The following MBD5 variants were observed in gnomAD, a reference collection of about 807,000 sequenced individuals.
The protein encoded by MBD5 is methyl-CpG-binding domain protein 5.
Under a neutral mutation model 117.3 loss-of-function variants are expected in MBD5, and 13 were observed. That is an observed-to-expected ratio of 0.11 (90% confidence interval 0.07 to 0.18). MBD5 has a LOEUF of 0.18. MBD5 is among the 10% of genes least tolerant of loss of function. The probability of loss-of-function intolerance (pLI) is 1.00; values close to 1 mark genes in which losing one functional copy is unlikely to be tolerated. For synonymous variants in MBD5, 727 were observed against 766.4 expected, an observed-to-expected ratio of 0.95 and a Z score of 0.85; for missense variants, 1,879 against 2,093.8, an observed-to-expected ratio of 0.90 and a Z score of 2.00.
intron 4 of MBD5, among the ~76,000 whole-genome samples, chr2:148,399,899 C>A (rs917031917): frequency 1.3e-5 from 2 of 152,108 alleles, no homozygotes; most frequent in African/African-American, 4.8e-5. Context: ...TTTTCTGCAT[C>A]TATTGAGATA....
intron 4 of MBD5, among the ~76,000 whole-genome samples, chr2:148,349,219 C>A (rs1201558427): frequency 1.3e-5 from 2 of 151,812 alleles, no homozygotes; most frequent in African/African-American, 4.8e-5. Flanking sequence ...TTTTCTGATC[C>A]TAGATTTACC....
intron 2 of MBD5, among the ~76,000 whole-genome samples, chr2:148,227,390 T>C (rs931942516): frequency 1.3e-5 from 2 of 152,216 alleles, no homozygotes; most frequent in Non-Finnish European, 2.9e-5. Context: ...CCATTGCTTG[T>C]TTTTCTCAGG....
chr2:148,061,334 T>G (rs1695029172), intron 1 of MBD5, among the ~76,000 whole-genome samples: 1 of 152,056 alleles, frequency 6.6e-6, no homozygotes, highest in Non-Finnish European at 1.5e-5. Context: ...TCTTTTTAAG[T>G]CCACTTTATG....
chr2:148,310,611 A>AT (rs941389539), intron 3 of MBD5, among the ~76,000 whole-genome samples: 29 of 151,710 alleles, frequency 1.9e-4, no homozygotes, highest in African/African-American at 5.3e-4. Flanking sequence ...GGATTCATTG[A>AT]TTTTTTTTGA....
At chr2:148,410,382 CT>C (rs1181448893) in intron 4 of MBD5, among the ~76,000 whole-genome samples, 1 of 152,080 alleles carries the variant, frequency 6.6e-6, no homozygotes, top group Non-Finnish European at 1.5e-5. Context: ...CTTTGGGGCT[CT>C]CTATCTTTTT....
intron 1 of MBD5, among the ~76,000 whole-genome samples, chr2:148,051,525 G>A (rs1242113711): frequency 1.3e-5 from 2 of 149,974 alleles, no homozygotes; most frequent in East Asian, 2.0e-4. Context: ...AGCTTTTACT[G>A]TCTTACCATT....
intron 3 of MBD5, chr2:148,260,785 A>G (rs536821279): frequency 6.5e-6 from 1 of 153,804 alleles, no homozygotes; most frequent in South Asian, 2.0e-4. Context: ...AGATGCATCA[A>G]GGAAACACTG....
rs373341381 is a variant in MBD5 at position 148,388,575 on chromosome 2, C to A, written c.-557+46239C>A. Among the ~76,000 whole-genome samples, 33 of 152,268 alleles carry A rather than the reference C, an allele frequency of 2.2e-4. No homozygotes were observed. In the East Asian group the frequency reaches 2.5e-3, roughly 12 times the overall value. Reference sequence around the variant, plus strand: ...TCTAGGGCTGCCTAAGAAAATACCACAGACTGTGTTGCTTAAACAACAAAT... The same window carrying A: ...TCTAGGGCTGCCTAAGAAAATACCAAAGACTGTGTTGCTTAAACAACAAAT... On this transcript the variant is annotated intron_variant, in intron 4 of 13. Coordinates refer to ENST00000642680, the MANE Select transcript of MBD5 (RefSeq NM_001378120.1).
chr2:148,124,427 A>G (rs1696841910), intron 1 of MBD5, among the ~76,000 whole-genome samples: 1 of 152,098 alleles, frequency 6.6e-6, no homozygotes, highest in African/African-American at 2.4e-5. Context: ...AAATCTAAAA[A>G]GTTAGCCGGG....
chr2:148,261,461 A>T (rs1257394916), intron 3 of MBD5, among the ~76,000 whole-genome samples: 2 of 152,154 alleles, frequency 1.3e-5, no homozygotes, highest in East Asian at 3.9e-4. Context: ...AAACCTCATG[A>T]ACCACCTTGC....
chr2:148,386,307 A>G (rs1275466365), intron 4 of MBD5, among the ~76,000 whole-genome samples: 1 of 152,176 alleles, frequency 6.6e-6, no homozygotes, highest in Admixed American at 6.5e-5. Flanking sequence ...AGACCATAAA[A>G]TTGACAAACC....
intron 3 of MBD5, among the ~76,000 whole-genome samples, chr2:148,310,465 G>C (rs539215077): frequency 1.3e-5 from 2 of 152,238 alleles, no homozygotes; most frequent in South Asian, 4.2e-4. Flanking sequence ...ATGGTAGTTT[G>C]TATTTCTGGG....
rs73009282 is a variant in MBD5 at position 148,197,260 on chromosome 2, G to C, written c.-831+18467G>C. On this transcript the variant is annotated intron_variant, in intron 2 of 13. Transcript: ENST00000642680. ...ACGTGAGAGGCTGCAACCACACCAA[G>C]CATGTGATGGAGCAAGTTTTCAGAC... is the stretch of plus-strand genomic sequence containing the variant. Among the ~76,000 whole-genome samples, 398 of 152,276 alleles carry C rather than the reference G, an allele frequency of 2.6e-3. 1 individual carries two copies. The highest frequency in any genetic ancestry group is 9.0e-3 in the African/African-American group (373 of 41,568).
chr2:148,364,723 T>C (rs1162592453), intron 4 of MBD5, among the ~76,000 whole-genome samples: 1 of 151,880 alleles, frequency 6.6e-6, no homozygotes, highest in Non-Finnish European at 1.5e-5. Context: ...TTTAAACCAA[T>C]AAAGATCAAA....
intron 1 of MBD5, among the ~76,000 whole-genome samples, chr2:148,057,306 A>G (rs1211866039): frequency 1.3e-5 from 2 of 151,732 alleles, no homozygotes; most frequent in East Asian, 3.9e-4. Context: ...ATACTTTCTC[A>G]TTAATTTTCA....
At chr2:148,327,482 T>TC (rs1424814705) in intron 3 of MBD5, among the ~76,000 whole-genome samples, 2 of 152,170 alleles carry the variant, frequency 1.3e-5, no homozygotes, top group African/African-American at 4.8e-5. Flanking sequence ...GGTACACCAG[T>TC]CAGACGTAGA....
intron 1 of MBD5, among the ~76,000 whole-genome samples, chr2:148,166,292 T>A (rs1698123904): frequency 6.6e-6 from 1 of 152,220 alleles, no homozygotes; most frequent in Non-Finnish European, 1.5e-5. Context: ...CATGTCAGTG[T>A]GTTATTTTCC....
chr2:148,216,033 T>C (rs529662968), intron 2 of MBD5, among the ~76,000 whole-genome samples: 10 of 152,092 alleles, frequency 6.6e-5, no homozygotes, highest in South Asian at 2.1e-4. Flanking sequence ...TTTCTTAAGA[T>C]TACAAGAAGA....
chr2:148,380,319 A>G (rs1016637816), intron 4 of MBD5, among the ~76,000 whole-genome samples: 3 of 152,184 alleles, frequency 2.0e-5, no homozygotes, highest in Non-Finnish European at 2.9e-5. Flanking sequence ...GTACCCAACA[A>G]TTAGAGAATA....
Sources: gnomAD v4.1 joint callset for allele counts (sites outside exome capture counted in the v4.1 genomes callset) on GRCh38, gnomAD v4.1.1 for gene constraint, MANE v1.5 for transcripts, NCBI Gene and HGNC (gene_info 2026-07-23, HGNC 2026-07-21) for gene names.